The following ALG1 variants were observed in gnomAD, a reference collection of about 807,000 sequenced individuals.
The protein encoded by ALG1 is chitobiosyldiphosphodolichol beta-mannosyltransferase.
In ALG1, 58 loss-of-function variants were observed where a neutral mutation model predicts 55.1. The observed-to-expected ratio is 1.05, with a 90% CI of 0.85 to 1.31. The LOEUF (loss-of-function observed/expected upper bound fraction) is 1.31, where lower values mean the gene tolerates loss of function less well. Among genes scored for constraint, ALG1 ranks in the 50% most tolerant of loss-of-function variants. The pLI, the probability that ALG1 is intolerant of heterozygous loss-of-function variation, is 0.00. For missense variants in ALG1, 761 were observed against 598.6 expected, an observed-to-expected ratio of 1.27 and a Z score of -2.83; for synonymous variants, 309 against 247.0, an observed-to-expected ratio of 1.25 and a Z score of -2.35.
Position 5,085,624 on chromosome 16 carries a change from T to C in ALG1, c.*743T>C, listed in dbSNP as rs371074454. 123 of 1,577,558 alleles carry C rather than the reference T, an allele frequency of 7.8e-5. 1 individual carries two copies. The African/African-American group carries it at 1.5e-3, about 20-fold the overall frequency. ...TTCTCACAATCCCGTTGGAGTCGTGTGTGAGTCCTACAGGGTGAGATTCAG... is the reference window on the plus strand; with the variant it reads ...TTCTCACAATCCCGTTGGAGTCGTGCGTGAGTCCTACAGGGTGAGATTCAG... On this transcript the variant is annotated 3_prime_UTR_variant, in exon 13 of 13. Transcript: ENST00000262374.
In ALG1 at chr16:5,072,949, A is replaced by G. The variant is rs774618681; in HGVS notation, c.209-2A>G. ...ATTAAAGGGATCATTCTCATTTTTC[A>G]GACTCCAAACCCCATGATGAGCTCT... On this transcript the variant is annotated splice_acceptor_variant, in intron 1 of 12. Transcript: ENST00000262374. LOFTEE classifies it high-confidence loss of function. The G allele has an allele frequency of 1.9e-6, 3 of 1,613,976 alleles. No homozygotes were observed. The highest frequency in any genetic ancestry group is 1.7e-5 in the Admixed American group (1 of 60,014).
chr16:5,084,794 G>A lies in ALG1; in HGVS notation c.1308G>A (p.Gln436=). 6.3e-7 allele frequency: 1 copy of A among 1,596,474 alleles called. No homozygotes were observed. Among genetic ancestry groups the A allele is most frequent in the South Asian group, 1.1e-5 (1 of 90,990 alleles). Residue 436 remains glutamine (Q), a synonymous_variant, in exon 13 of 13, where the codon CAG becomes CAA. Coordinates refer to ENST00000262374, the MANE Select transcript of ALG1 (RefSeq NM_019109.5). ...NFPDPAGKLN[Q]FRKNLRESQQ... ...CTGATCCTGCGGGCAAGCTAAACCA[G>A]TTCCGGAAGAACCTGCGGGAGTCGC...
intron 4 of ALG1, among the ~76,000 whole-genome samples, chr16:5,076,792 CTTTTTTTT>C (rs5815229): frequency 9.2e-6 from 1 of 108,854 alleles, no homozygotes; most frequent in Non-Finnish European, 1.9e-5. Context: ...GTATTTCTTC[CTTTTTTTT>C]TTTTTTTTTT....
chr16:5,081,404 C>T (rs1401782897), intron 10 of ALG1, among the ~76,000 whole-genome samples: 1 of 152,234 alleles, frequency 6.6e-6, no homozygotes, highest in South Asian at 2.1e-4. Flanking sequence ...CAAACAGCGT[C>T]GCCTCTCCCA....
chr16:5,072,284 G>A (rs527943949), intron 1 of ALG1: 2 of 1,442,962 alleles, frequency 1.4e-6, no homozygotes, highest in East Asian at 5.0e-5. Context: ...TCCATTGCGT[G>A]GTCTCACGTA....
At chr16:5,080,261 C>T (rs1304474538) in intron 9 of ALG1, among the ~76,000 whole-genome samples, 2 of 152,034 alleles carry the variant, frequency 1.3e-5, no homozygotes, top group African/African-American at 4.8e-5. Flanking sequence ...GACAGGGTTT[C>T]ACCATGTTGG....
chr16:5,080,172 A>T (rs1956992435), intron 9 of ALG1, among the ~76,000 whole-genome samples: 1 of 150,848 alleles, frequency 6.6e-6, no homozygotes, highest in Admixed American at 6.6e-5. Context: ...CATTCAAGCA[A>T]TTCTCATGCC....
intron 10 of ALG1, among the ~76,000 whole-genome samples, chr16:5,081,746 G>C (rs1003785815): frequency 6.6e-6 from 1 of 151,980 alleles, no homozygotes; most frequent in Non-Finnish European, 1.5e-5. Context: ...ATTTTTAGTA[G>C]AGACAGGGTT....
Position 5,086,818 on chromosome 16 carries a change from C to T in ALG1, c.*1937C>T, listed in dbSNP as rs1414234036. 6.6e-6 allele frequency: 1 copy of T among 152,178 alleles called. No individual in the cohort carries two copies. The highest frequency in any genetic ancestry group is 1.9e-4 in the East Asian group (1 of 5,192). 9.4% of individuals were successfully genotyped at this position (152,178 alleles called of 1,614,324 possible). On this transcript the variant is annotated 3_prime_UTR_variant, in exon 13 of 13. Coordinates refer to ENST00000262374, the MANE Select transcript of ALG1 (RefSeq NM_019109.5). ...AGTAGCTTTGACTATAGGCGTGCAC[C>T]ACCACGCCTGGCTAATTTTTGTGTT... is the stretch of plus-strand genomic sequence containing the variant.
intron 1 of ALG1, chr16:5,072,366 C>G: frequency 1.2e-6 from 1 of 846,584 alleles, no homozygotes; most frequent in Non-Finnish European, 1.7e-6. Flanking sequence ...CCCTGTGCAG[C>G]TACCCTTGTC....
chr16:5,084,534 T>C lies in ALG1; in HGVS notation c.1264-216T>C. ...GGGAGGTGCTCCAGGGCACCAAGTG[T>C]GGGAAAGTGGGACATGCGGGGAAGT... On this transcript the variant is annotated intron_variant, in intron 12 of 12. Transcript: ENST00000262374. The C allele has an allele frequency of 5.4e-6, 4 of 746,502 alleles. No homozygotes were observed. In the South Asian group the frequency reaches 6.9e-5, roughly 13 times the overall value. The allele number at this position is 746,502 out of a possible 1,614,324, so 46.2% of individuals were successfully genotyped here.
chr16:5,085,625 G>A lies in ALG1; in HGVS notation c.*744G>A. On this transcript the variant is annotated 3_prime_UTR_variant, in exon 13 of 13. Transcript: ENST00000262374. ...TCTCACAATCCCGTTGGAGTCGTGT[G>A]TGAGTCCTACAGGGTGAGATTCAGC... 1 of 1,581,666 alleles carries A rather than the reference G, an allele frequency of 6.3e-7. No individual in the cohort carries two copies. Among genetic ancestry groups the A allele is most frequent in the Non-Finnish European group, 8.7e-7 (1 of 1,152,238 alleles).
chr16:5,077,441 T>C lies in ALG1; in HGVS notation c.540-4T>C. 1 of 1,613,954 alleles carries C rather than the reference T, an allele frequency of 6.2e-7. No individual in the cohort carries two copies. The highest frequency in any genetic ancestry group is 8.5e-7 in the Non-Finnish European group (1 of 1,179,840). On this transcript the variant is annotated splice_polypyrimidine_tract_variant and splice_region_variant and intron_variant, in intron 4 of 12. Transcript: ENST00000262374. The stretch of plus-strand genomic sequence containing the variant: ...CTCTGCTGACTGCTGATCTCTCTTT[T>C]CAGGTACGAGAAGTTCTTTGGGCGC...
chr16:5,078,963 T>C (rs539464660), intron 7 of ALG1, 85 bp downstream of exon 7: 113 of 1,595,834 alleles, frequency 7.1e-5, no homozygotes, highest in Non-Finnish European at 9.0e-5. Flanking sequence ...CAGTCCTGCA[T>C]GCTCCCACCC....
chr16:5,084,627 T>G (rs1957084081), intron 12 of ALG1, 123 bp from the exon 13 acceptor site: 2 of 1,472,790 alleles, frequency 1.4e-6, no homozygotes, highest in Non-Finnish European at 9.3e-7. Flanking sequence ...CGAGTCCAAG[T>G]GAGGGAGTTA....
chr16:5,073,378 A>G (rs1243553487), intron 3 of ALG1, 122 bp downstream of exon 3: 2 of 838,670 alleles, frequency 2.4e-6, no homozygotes, highest in African/African-American at 3.4e-5. Flanking sequence ...GTTTAAAGAC[A>G]TGAGTAGGAG....
Position 5,071,905 on chromosome 16 carries a change from T to C in ALG1, c.56T>C (p.Leu19Pro). The change falls in exon 1 of 13, where the codon CTG (leucine) becomes CCG (proline). Residue 19 changes from leucine (L) to proline (P), a missense_variant. Physicochemically the swap from Leu to Pro is moderately conservative, Grantham distance 98 (BLOSUM62 -3). Coordinates refer to ENST00000262374, the MANE Select transcript of ALG1 (RefSeq NM_019109.5). ...LALCLLLPLL[L>P]LGGWKRWRRG... ...CTGTGTCTGCTGCTGCCGCTGCTGC[T>C]GCTGGGAGGATGGAAGCGCTGGCGC... 6.3e-7 allele frequency: 1 copy of C among 1,599,982 alleles called. No individual in the cohort carries two copies. The highest frequency in any genetic ancestry group is 1.3e-5 in the African/African-American group (1 of 74,760).
chr16:5,078,181 C>A, intron 6 of ALG1, 164 bp downstream of exon 6: 1 of 832,320 alleles, frequency 1.2e-6, no homozygotes, highest in Non-Finnish European at 2.0e-6. Flanking sequence ...ACACAACACA[C>A]TCATTGCCTT....
chr16:5,071,867 G>C lies in ALG1; in HGVS notation c.18G>C (p.Leu6Phe), dbSNP rs758274229. 15 of 1,604,844 alleles carry C rather than the reference G, an allele frequency of 9.3e-6. No individual in the cohort carries two copies. Among genetic ancestry groups the C allele is most frequent in the East Asian group, 2.2e-5 (1 of 44,686 alleles). MAASC[L>F]VLLALCLLLP... ...CAGCCAAGATGGCGGCCTCATGCTT[G>C]GTCCTGCTGGCGCTGTGTCTGCTGC... is the stretch of plus-strand genomic sequence containing the variant. The change falls in exon 1 of 13, where the codon TTG (leucine) becomes TTC (phenylalanine). Residue 6 changes from leucine to phenylalanine, a missense_variant. By Grantham distance (22) the Leu-to-Phe change is conservative. Transcript: ENST00000262374.
Sources: allele counts gnomAD v4.1 joint callset (sites outside exome capture counted in the v4.1 genomes callset), GRCh38; gene constraint gnomAD v4.1.1; transcripts MANE v1.5; gene names NCBI Gene and HGNC (gene_info 2026-07-23, HGNC 2026-07-21).